Variants in TTN observed in about 807,000 individuals in gnomAD.
The protein encoded by TTN is titin, also known as connectin.
TTN carries 1,525 observed loss-of-function variants against 3,223.0 expected under a neutral mutation model. The ratio of observed to expected loss-of-function variants is 0.47; its 90% confidence interval spans 0.45 to 0.49. The LOEUF (loss-of-function observed/expected upper bound fraction) is 0.49. TTN is among the 20% of genes least tolerant of loss of function. The probability of loss-of-function intolerance (pLI) is 0.00; values close to 1 mark genes in which losing one functional copy is unlikely to be tolerated. For synonymous variants in TTN, 14,094 were observed against 15,161.0 expected (o/e 0.93, Z 5.17); for missense variants, 40,786 against 43,424.0 (o/e 0.94, Z 5.40).
intron 243 of TTN, 126 bp from the exon 244 acceptor site, chr2:178,622,134 C>A: frequency 2.3e-6 from 2 of 870,186 alleles, no homozygotes; most frequent in Non-Finnish European, 3.4e-6. Context: ...GAAGAAGAAC[C>A]AAGGTGGCAG....
rs1442205432 is a variant in TTN at position 178,543,509 on chromosome 2, A to G, written c.96464T>C (p.Val32155Ala). ...AAGTGTCTTGCTGCATTTGGTAGTT[A>G]CTGTTTTGAATGCTCTCATAGCAGC... ...REAAMRAFKT[V>A]TTKCSKTLYR... is the part of the protein sequence containing the mutation. Residue 32155 changes from valine to alanine, a missense_variant, in exon 347 of 363, where the codon GTA becomes GCA. Physicochemically the swap from Val to Ala is moderately conservative, Grantham distance 64. Coordinates refer to ENST00000589042, the MANE Select transcript of TTN (RefSeq NM_001267550.2). The G allele has an allele frequency of 6.2e-7, 1 of 1,613,480 alleles. No homozygotes were observed. The highest frequency in any genetic ancestry group is 1.7e-5 in the Admixed American group (1 of 59,976).
At position 178,526,042 on chromosome 2, in the gene TTN, C is replaced by CAACA. The variant is rs1686294821; in HGVS notation, c.*966_*969dup. The CAACA allele has an allele frequency of 6.6e-6, 1 of 152,578 alleles. No homozygotes were observed. Among genetic ancestry groups the CAACA allele is most frequent in the African/African-American group, 2.4e-5 (1 of 41,426 alleles). 9.5% of individuals were successfully genotyped at this position (152,578 alleles called of 1,614,324 possible). ...TTGTTGTTACTATCTCAAGGAGGTC[C>CAACA]AACAATTATAACTAACAATTGAATT... On this transcript the variant is annotated 3_prime_UTR_variant, in exon 363 of 363. Transcript: ENST00000589042.
In TTN at chr2:178,733,701, C is replaced by T. The variant is rs369294144; in HGVS notation, c.15688G>A (p.Val5230Ile). ...TATTTGCCTCCAAAACTAATCTGAACATCAGGGATTATCAAGACTGCAACA... is the reference window on the plus strand; with the variant it reads ...TATTTGCCTCCAAAACTAATCTGAATATCAGGGATTATCAAGACTGCAACA... ...NGVAVLIIPD[V>I]QISFGGKYTC... The change falls in exon 53 of 363, where the codon GTT becomes ATT. Residue 5230 changes from valine to isoleucine, a missense_variant. Val to Ile is a conservative substitution (Grantham distance 29). Coordinates refer to ENST00000589042, the MANE Select transcript of TTN (RefSeq NM_001267550.2). 4 of 1,613,756 alleles carry T rather than the reference C, an allele frequency of 2.5e-6. No individual in the cohort carries two copies. Among genetic ancestry groups the T allele is most frequent in the African/African-American group, 2.7e-5 (2 of 74,922 alleles).
Position 178,733,068 on chromosome 2 carries a change from C to A in TTN, c.16108G>T (p.Val5370Phe), listed in dbSNP as rs1560821296. ...TKPLRNVDSV[V>F]NGTCRLDCKI... ...CAGTCCAGTCTGCAGGTACCATTAA[C>A]AACACTATCCACGTTGCGCAAGGGT... The change falls in exon 55 of 363, where the codon GTT (valine) becomes TTT (phenylalanine). Residue 5370 changes from valine to phenylalanine, a missense_variant. Val to Phe is a conservative substitution (Grantham distance 50). Transcript: ENST00000589042. 1.2e-6 allele frequency: 2 copies of A among 1,610,266 alleles called. No homozygotes were observed. The highest frequency in any genetic ancestry group is 1.7e-6 in the Non-Finnish European group (2 of 1,177,580).
chr2:178,770,426 C>G lies in TTN; in HGVS notation c.8366G>C (p.Arg2789Thr). The G allele has an allele frequency of 3.1e-6, 5 of 1,614,188 alleles. No homozygotes were observed. Among genetic ancestry groups the G allele is most frequent in the Non-Finnish European group, 4.2e-6 (5 of 1,180,026 alleles). Residue 2789 changes from arginine (R) to threonine (T), a missense_variant, in exon 35 of 363, where the codon AGA becomes ACA. Arg to Thr is a moderately conservative substitution (Grantham distance 71). Transcript: ENST00000589042. ...AATCAACTTACTCTCCACGTGCAGT[C>G]TGGCACTGGCTCCAAGCCTTCCAAG... ...FRLGRLGASA[R>T]LHVETVKIIK...
intron 47 of TTN, among the ~76,000 whole-genome samples, chr2:178,752,678 T>C (rs1308213209): frequency 2.0e-5 from 3 of 152,086 alleles, no homozygotes; most frequent in Non-Finnish European, 2.9e-5. Context: ...GGGAATGTAA[T>C]GTTTTCACAC....
At position 178,632,200 on chromosome 2, in the gene TTN, T is replaced by G. The variant is rs1357364341; in HGVS notation, c.43694A>C (p.Gln14565Pro). The G allele has an allele frequency of 6.2e-7, 1 of 1,608,948 alleles. No homozygotes were observed. The highest frequency in any genetic ancestry group is 1.7e-5 in the Admixed American group (1 of 59,490). ...FKDLSIDDTSQIRVEAMGMSS... is the reference protein window; with the variant it reads ...FKDLSIDDTSPIRVEAMGMSS... ...CATCCCCATAGCTTCTACTCTAATT[T>G]GGGAGGTGTCATCAATAGACAGGTC... Residue 14565 changes from glutamine to proline, a missense_variant, in exon 236 of 363, where the codon CAA becomes CCA. Physicochemically the swap from Gln to Pro is moderately conservative, Grantham distance 76. Coordinates refer to ENST00000589042, the MANE Select transcript of TTN (RefSeq NM_001267550.2).
intron 282 of TTN, 93 bp from the exon 283 acceptor site, chr2:178,602,683 T>C (rs1286041274): frequency 2.2e-6 from 2 of 929,752 alleles, no homozygotes; most frequent in African/African-American, 3.5e-5. Context: ...ATTATTTTAA[T>C]CTATTAAAAT....
At chr2:178,754,937 C>T (rs2086528245) in intron 46 of TTN, among the ~76,000 whole-genome samples, 3 of 152,168 alleles carry the variant, frequency 2.0e-5, no homozygotes, top group Non-Finnish European at 4.4e-5. Flanking sequence ...AGAAAGGCCA[C>T]TGTTTCAAAA....
At chr2:178,750,057 C>T (rs2084971059) in intron 47 of TTN, 2 of 1,613,106 alleles carry the variant, frequency 1.2e-6, no homozygotes, top group Non-Finnish European at 1.7e-6. Flanking sequence ...TTATCCTGTT[C>T]TGGGATAGGA....
In TTN at chr2:178,781,281, A is replaced by G; in HGVS notation, c.3381-18T>C. 1 of 1,613,482 alleles carries G rather than the reference A, an allele frequency of 6.2e-7. No individual in the cohort carries two copies. The highest frequency in any genetic ancestry group is 8.5e-7 in the Non-Finnish European group (1 of 1,179,724). On this transcript the variant is annotated intron_variant, in intron 20 of 362. Coordinates refer to ENST00000589042, the MANE Select transcript of TTN (RefSeq NM_001267550.2). ...CTTTGTATCTTTATGTAAATGTACA[A>G]AATTTAAAAATCAGTTATCAACAAC...
Position 178,551,678 on chromosome 2 carries a change from T to C in TTN, c.91222A>G (p.Ser30408Gly). The C allele has an allele frequency of 6.2e-7, 1 of 1,611,130 alleles. No individual in the cohort carries two copies. The highest frequency in any genetic ancestry group is 8.5e-7 in the Non-Finnish European group (1 of 1,177,928). The part of the protein sequence containing the change: ...RVYAENSAGL[S>G]SPSDPSKFTL... ...AATTTGCTTGGGTCACTAGGTGAGC[T>C]TAGGCCAGCAGAATTTTCAGCATAT... Residue 30408 changes from serine (S) to glycine (G), a missense_variant, in exon 335 of 363, where the codon AGC becomes GGC. Ser to Gly is a moderately conservative substitution (Grantham distance 56, BLOSUM62 0). Transcript: ENST00000589042.
chr2:178,733,868 A>C lies in TTN; in HGVS notation c.15521T>G (p.Val5174Gly). Residue 5174 changes from valine (V) to glycine (G), a missense_variant, in exon 53 of 363, where the codon GTA becomes GGA. Coordinates refer to ENST00000589042, the MANE Select transcript of TTN (RefSeq NM_001267550.2). ...LKEPPTFVKK[V>G]DDLIALGGQT... ...TCCTCCTAGTGCAATCAAATCATCT[A>C]CTTTCTTTACAAAGGTTGGAGGTTC... The C allele has an allele frequency of 6.2e-7, 1 of 1,600,976 alleles. No individual in the cohort carries two copies. Among genetic ancestry groups the C allele is most frequent in the Admixed American group, 1.7e-5 (1 of 59,108 alleles).
chr2:178,773,858 C>G lies in TTN; in HGVS notation c.7310G>C (p.Ser2437Thr). 6.2e-7 allele frequency: 1 copy of G among 1,614,092 alleles called. No individual in the cohort carries two copies. Among genetic ancestry groups the G allele is most frequent in the Non-Finnish European group, 8.5e-7 (1 of 1,179,992 alleles). The change falls in exon 31 of 363, where the codon AGT becomes ACT. Residue 2437 changes from serine (S) to threonine (T), a missense_variant. Transcript: ENST00000589042. ...CTCACTATAGACAGAGACACGCCCA[C>G]TGGTGGAGAGGCCAAGGGCTGGAAT... The part of the protein sequence containing the change: ...FTIPALGLST[S>T]GRVSVYSVDV...
chr2:178,617,251 A>G lies in TTN; in HGVS notation c.47761-17T>C, dbSNP rs1203949611. The G allele has an allele frequency of 6.5e-7, 1 of 1,536,254 alleles. No individual in the cohort carries two copies. Among genetic ancestry groups the G allele is most frequent in the Non-Finnish European group, 8.7e-7 (1 of 1,143,454 alleles). On this transcript the variant is annotated splice_polypyrimidine_tract_variant and intron_variant, in intron 254 of 362. Coordinates refer to ENST00000589042, the MANE Select transcript of TTN (RefSeq NM_001267550.2). ...TCCGGTAACCTACGATTATGAATTA[A>G]TATTTGTAAAAAACACATACAGTTA...
chr2:178,649,115 T>C, intron 213 of TTN, 133 bp downstream of exon 213: 1 of 701,206 alleles, frequency 1.4e-6, no homozygotes, highest in Non-Finnish European at 2.2e-6. Context: ...TTTTTTTCCC[T>C]TCATTATTTC....
chr2:178,675,700 A>G lies in TTN; in HGVS notation c.34508T>C (p.Leu11503Pro). 1.4e-6 allele frequency: 2 copies of G among 1,423,628 alleles called. No individual in the cohort carries two copies. Among genetic ancestry groups the G allele is most frequent in the South Asian group, 1.7e-5 (1 of 60,512 alleles). The allele number at this position is 1,423,628 out of a possible 1,614,324, so 88.2% of individuals were successfully genotyped here. ...GGCAGGAGGGGCCACTGCTTTCTTA[A>G]GACCAGGAGGAGGGACCTTCTTTTC... is the stretch of plus-strand genomic sequence containing the variant. ...EPEKKVPPPG[L>P]KKAVAPPAKV... Residue 11503 changes from leucine (L) to proline (P), a missense_variant, in exon 149 of 363, where the codon CTT becomes CCT. Coordinates refer to ENST00000589042, the MANE Select transcript of TTN (RefSeq NM_001267550.2).
chr2:178,778,709 C>T, intron 24 of TTN, 165 bp downstream of exon 24: 1 of 944,312 alleles, frequency 1.1e-6, no homozygotes, highest in South Asian at 1.5e-5. Flanking sequence ...TCATCTTACA[C>T]AGGGGCAAGA....
In TTN at chr2:178,563,687, G is replaced by A; in HGVS notation, c.82445C>T (p.Thr27482Ile). 6.2e-7 allele frequency: 1 copy of A among 1,613,708 alleles called. No individual in the cohort carries two copies. Among genetic ancestry groups the A allele is most frequent in the Non-Finnish European group, 8.5e-7 (1 of 1,179,754 alleles). Reference sequence around the variant, plus strand: ...CCATGTTACTACCATAGAATCTTTGGTGATTGCTGAGACTTCAGGTGTTGA... The same window carrying A: ...CCATGTTACTACCATAGAATCTTTGATGATTGCTGAGACTTCAGGTGTTGA... ...PPSTPEVSAITKDSMVVTWAR... is the reference protein window; with the variant it reads ...PPSTPEVSAIIKDSMVVTWAR... Residue 27482 changes from threonine to isoleucine, a missense_variant, in exon 326 of 363, where the codon ACC becomes ATC. Physicochemically the swap from Thr to Ile is moderately conservative, Grantham distance 89. Transcript: ENST00000589042. The surrounding 1 kb of genome is among the most constrained non-coding windows in gnomAD (Gnocchi z 4.5).
Sources: gnomAD v4.1 joint callset for allele counts (sites outside exome capture counted in the v4.1 genomes callset) on GRCh38, gnomAD v4.1.1 for gene constraint, Gnocchi (gnomAD v3.1) non-coding constraint, MANE v1.5 for transcripts, NCBI Gene and HGNC (gene_info 2026-07-23, HGNC 2026-07-21) for gene names.